The following TTLL1 variants were observed in gnomAD, a reference collection of about 807,000 sequenced individuals.
TTLL1 encodes the protein TTL family tubulin polyglutamylase complex subunit L1.
TTLL1 carries 33 observed loss-of-function variants against 47.8 expected under a neutral mutation model. The observed-to-expected ratio is 0.69, with a 90% CI of 0.52 to 0.92. TTLL1 has a LOEUF of 0.92. Ranked by LOEUF, TTLL1 falls within the 40% of genes least tolerant of loss-of-function variation. The pLI is 0.00. For missense variants in TTLL1, 488 were observed against 547.5 expected (o/e 0.89, Z 1.08); for synonymous variants, 225 against 214.1 (o/e 1.05, Z -0.45).
At chr22:43,068,303 T>G in intron 5 of TTLL1, 107 bp downstream of exon 5, 1 of 1,003,830 alleles carries the variant, frequency 1.0e-6, no homozygotes, top group East Asian at 2.7e-5. Flanking sequence ...GGCGACAGAG[T>G]GAGACTCTGT....
intron 10 of TTLL1, among the ~76,000 whole-genome samples, chr22:43,045,297 C>G (rs2146958459): frequency 6.6e-6 from 1 of 152,226 alleles, no homozygotes; most frequent in East Asian, 1.9e-4. Context: ...CCGCTCTAAG[C>G]CTTTGTTTCC....
rs576023370 is a variant in TTLL1, at chr22:43,075,706, T to A, written c.-4-116A>T. 3.3e-4 allele frequency: 292 copies of A among 872,302 alleles called. 3 individuals are homozygous for A. In the South Asian group the frequency reaches 4.1e-3, roughly 12 times the overall value. The allele number at this position is 872,302 out of a possible 1,614,324, so 54.0% of individuals were successfully genotyped here. ...AAACTCGATCTTACCCCGGCAATGGTTCTCAACCAGGAGTGATTCCATCTC... is the reference window on the plus strand; with the variant it reads ...AAACTCGATCTTACCCCGGCAATGGATCTCAACCAGGAGTGATTCCATCTC... On this transcript the variant is annotated intron_variant, in intron 2 of 10. Coordinates refer to ENST00000266254, the MANE Select transcript of TTLL1 (RefSeq NM_012263.5).
intron 1 of TTLL1, among the ~76,000 whole-genome samples, chr22:43,082,514 G>A (rs1388913363): frequency 1.3e-5 from 2 of 152,030 alleles, no homozygotes; most frequent in Non-Finnish European, 2.9e-5. Flanking sequence ...TCTGGAGTTC[G>A]AGACCAGCCT....
chr22:43,073,657 A>G (rs1305074782), intron 3 of TTLL1, among the ~76,000 whole-genome samples: 1 of 151,542 alleles, frequency 6.6e-6, no homozygotes, highest in Admixed American at 6.6e-5. Flanking sequence ...TGCCCAGCCC[A>G]TCATAATTAT....
In TTLL1 at chr22:43,055,334, T is replaced by C. The variant is rs564653814; in HGVS notation, c.892-3447A>G. Among the ~76,000 whole-genome samples, 5 of 151,510 alleles carry C rather than the reference T, an allele frequency of 3.3e-5. No individual in the cohort carries two copies. In the East Asian group the frequency reaches 7.8e-4, roughly 24 times the overall value. On this transcript the variant is annotated intron_variant, in intron 8 of 10. Coordinates refer to ENST00000266254, the MANE Select transcript of TTLL1 (RefSeq NM_012263.5). ...GCCTGGCCACGTCTGTCTATAGTTTTCTTTCTTTTTTTTTTGAGACAAGGT... is the reference window on the plus strand; with the variant it reads ...GCCTGGCCACGTCTGTCTATAGTTTCCTTTCTTTTTTTTTTGAGACAAGGT...
intron 5 of TTLL1, among the ~76,000 whole-genome samples, chr22:43,065,454 T>A (rs979842919): frequency 3.3e-5 from 5 of 152,034 alleles, no homozygotes; most frequent in African/African-American, 1.2e-4. Flanking sequence ...CATGCCTGGC[T>A]AATTTTTGTA....
rs112916743 is a variant in TTLL1, at chr22:43,082,159, A to ATT, written c.-89-2175_-89-2174dup. Among the ~76,000 whole-genome samples, 344 of 144,136 alleles carry ATT rather than the reference A, an allele frequency of 2.4e-3. 1 individual carries two copies. Among genetic ancestry groups the ATT allele is most frequent in the African/African-American group, 7.1e-3 (281 of 39,446 alleles). 94.6% of individuals were successfully genotyped at this position (144,136 alleles called of 152,430 possible). ...GAGTCACCGCACCTGGACCCCTTCC[A>ATT]TTTTTTTTTTTTTTAAACAACACAG... On this transcript the variant is annotated intron_variant, in intron 1 of 10. Transcript: ENST00000266254.
chr22:43,057,244 G>A (rs1007133037), intron 8 of TTLL1, among the ~76,000 whole-genome samples: 1 of 149,378 alleles, frequency 6.7e-6, no homozygotes, highest in Non-Finnish European at 1.5e-5. Flanking sequence ...ACTCCAGCCT[G>A]GTCGACAGAA....
Position 43,075,556 on chromosome 22 carries a change from T to A in TTLL1, c.31A>T (p.Ile11Phe). ...TTATTGATCAGCACTGACTTCTCGATATCAGTGACCCATTTTACTTTCCCT... is the reference window on the plus strand; with the variant it reads ...TTATTGATCAGCACTGACTTCTCGAAATCAGTGACCCATTTTACTTTCCCT... The part of the protein sequence containing the change: MAGKVKWVTD[I>F]EKSVLINNFE... The change falls in exon 3 of 11, where the codon ATC becomes TTC. Residue 11 changes from isoleucine to phenylalanine, a missense_variant. Transcript: ENST00000266254. The A allele has an allele frequency of 6.2e-7, 1 of 1,614,226 alleles. No individual in the cohort carries two copies. The highest frequency in any genetic ancestry group is 8.5e-7 in the Non-Finnish European group (1 of 1,180,034).
At chr22:43,064,505 A>T (rs999956257) in intron 5 of TTLL1, among the ~76,000 whole-genome samples, 181 bp from the exon 6 acceptor site, 2 of 151,920 alleles carry the variant, frequency 1.3e-5, no homozygotes, top group African/African-American at 4.8e-5. Flanking sequence ...CGGGTGGATC[A>T]CTTCAGGTCG....
chr22:43,088,224 A>G (rs1929365263), intron 1 of TTLL1, among the ~76,000 whole-genome samples: 1 of 147,506 alleles, frequency 6.8e-6, no homozygotes, highest in Admixed American at 6.9e-5. Context: ...TCACAGCGGT[A>G]TTGTCACTGT....
At chr22:43,056,474 T>A (rs540926508) in intron 8 of TTLL1, among the ~76,000 whole-genome samples, 55 of 148,338 alleles carry the variant, frequency 3.7e-4, no homozygotes, top group African/African-American at 1.3e-3. Flanking sequence ...TTTTTTTTTT[T>A]TTTTTTTTTT....
Position 43,068,429 on chromosome 22 carries a change from G to A in TTLL1, c.484C>T (p.Arg162Trp), listed in dbSNP as rs776273674. 7.2e-6 allele frequency: 11 copies of A among 1,537,290 alleles called. No individual in the cohort carries two copies. The highest frequency in any genetic ancestry group is 3.6e-5 in the South Asian group (3 of 82,808). Residue 162 changes from arginine to tryptophan, a missense_variant, in exon 5 of 11, where the codon CGG (arginine) becomes TGG (tryptophan). Coordinates refer to ENST00000266254, the MANE Select transcript of TTLL1 (RefSeq NM_012263.5). ...ACTTACGAAGATGTCTTGCTGTCCCGGGACCACTTTTTGATCTGTGAGAGC... is the reference window on the plus strand; with the variant it reads ...ACTTACGAAGATGTCTTGCTGTCCCAGGACCACTTTTTGATCTGTGAGAGC... ...NKLSQIKKWSRDSKTSSFVSQ... is the reference protein window; with the variant it reads ...NKLSQIKKWSWDSKTSSFVSQ...
At position 43,071,113 on chromosome 22, in the gene TTLL1, T is replaced by C. The variant is rs553588761; in HGVS notation, c.114-1269A>G. ...AATTTTTTTTGTAGAGATGGGGATTTGCCATGTTGCCCAGGCTGGTCTCAA... is the reference window on the plus strand; with the variant it reads ...AATTTTTTTTGTAGAGATGGGGATTCGCCATGTTGCCCAGGCTGGTCTCAA... On this transcript the variant is annotated intron_variant, in intron 3 of 10. Coordinates refer to ENST00000266254, the MANE Select transcript of TTLL1 (RefSeq NM_012263.5). Among the ~76,000 whole-genome samples the C allele has an allele frequency of 9.9e-5, 15 of 152,098 alleles. No individual in the cohort carries two copies. In the South Asian group the frequency reaches 2.9e-3, roughly 29 times the overall value.
chr22:43,041,532 C>CTT (rs112180579), intron 10 of TTLL1, among the ~76,000 whole-genome samples: 30 of 140,308 alleles, frequency 2.1e-4, no homozygotes, highest in African/African-American at 5.4e-4. Context: ...TTTCTGATTC[C>CTT]TTTTTTTTTT....
chr22:43,087,228 A>C (rs1929279639), intron 1 of TTLL1, among the ~76,000 whole-genome samples: 1 of 152,180 alleles, frequency 6.6e-6, no homozygotes, highest in Non-Finnish European at 1.5e-5. Flanking sequence ...GTGCTACTCA[A>C]AGCATGGCCC....
intron 3 of TTLL1, among the ~76,000 whole-genome samples, 167 bp from the exon 4 acceptor site, chr22:43,070,011 G>C (rs1303921065): frequency 6.6e-6 from 1 of 152,162 alleles, no homozygotes; most frequent in Non-Finnish European, 1.5e-5. Context: ...CAGAGAATGG[G>C]TGCCCAGGGA....
intron 7 of TTLL1, among the ~76,000 whole-genome samples, chr22:43,062,460 C>G (rs556239022): frequency 6.8e-6 from 1 of 146,022 alleles, no homozygotes; most frequent in East Asian, 2.1e-4. Context: ...CACTGCACTC[C>G]AGCCTGGCAA....
intron 8 of TTLL1, among the ~76,000 whole-genome samples, chr22:43,053,589 C>CG (rs915546737): frequency 1.2e-4 from 18 of 152,300 alleles, no homozygotes; most frequent in African/African-American, 4.3e-4. Context: ...TTGGGTTCCT[C>CG]GGGGGGTCTC....
Sources: allele counts gnomAD v4.1 joint callset (sites outside exome capture counted in the v4.1 genomes callset), GRCh38; gene constraint gnomAD v4.1.1; transcripts MANE v1.5; gene names NCBI Gene and HGNC (gene_info 2026-07-23, HGNC 2026-07-21).